Variants in PLAAT2 observed in about 807,000 individuals in gnomAD.
The protein encoded by PLAAT2 is HRAS like suppressor 2.
A neutral mutation model predicts 12.8 loss-of-function variants in PLAAT2; 12 were observed. That is an observed-to-expected ratio of 0.94 (90% CI 0.60 to 1.52). The LOEUF is 1.52. PLAAT2 is among the 40% of genes most tolerant of loss of function. PLAAT2 has a pLI of 0.00. For missense variants in PLAAT2, 166 were observed against 208.1 expected (o/e 0.80, Z 1.24); for synonymous variants, 79 against 86.8 (o/e 0.91, Z 0.50).
In PLAAT2 at chr11:63,558,366, GA is replaced by G. The variant is rs1459028451; in HGVS notation, c.387+25del. 8 of 1,608,400 alleles carry G rather than the reference GA, an allele frequency of 5.0e-6. No homozygotes were observed. In the African/African-American group the frequency reaches 1.1e-4, roughly 21 times the overall value. ...GCTGAGGGAGTGGCCTGGCTCCTGGGAAGGGGATGCAGGCTGAAGATGCACC... is the reference window on the plus strand; with the variant it reads ...GCTGAGGGAGTGGCCTGGCTCCTGGGAGGGGATGCAGGCTGAAGATGCACC... On this transcript the variant is annotated intron_variant, in intron 3 of 3. Transcript: ENST00000255695.
chr11:63,556,480 C>T (rs1264472206), intron 3 of PLAAT2, among the ~76,000 whole-genome samples: 1 of 152,066 alleles, frequency 6.6e-6, no homozygotes, highest in Non-Finnish European at 1.5e-5. Context: ...CCCCCAATCC[C>T]CTTCCGACAC....
At position 63,562,959 on chromosome 11, in the gene PLAAT2, C is replaced by T. The variant is rs373981385; in HGVS notation, c.9+357G>A. Among the ~76,000 whole-genome samples the T allele has an allele frequency of 1.6e-3, 248 of 152,326 alleles. 1 individual carries two copies. In the South Asian group the frequency reaches 0.017, roughly 10 times the overall value. ...ACTGAGGATGATGTGACAGAGGAGG[C>T]GGCCTGTGGGGTAAACCAAGGGCTG... is the stretch of plus-strand genomic sequence containing the variant. On this transcript the variant is annotated intron_variant, in intron 1 of 3. Coordinates refer to ENST00000255695, the MANE Select transcript of PLAAT2 (RefSeq NM_017878.2).
chr11:63,555,872 A>G (rs548524152), intron 3 of PLAAT2, among the ~76,000 whole-genome samples: 18 of 152,310 alleles, frequency 1.2e-4, no homozygotes, highest in African/African-American at 3.8e-4. Context: ...CTATGTTTCA[A>G]AGGGACAGAG....
chr11:63,555,639 G>C (rs976530188), intron 3 of PLAAT2, among the ~76,000 whole-genome samples: 1 of 152,212 alleles, frequency 6.6e-6, no homozygotes, highest in African/African-American at 2.4e-5. Context: ...GCTGCAATGA[G>C]GTGAGATCAC....
intron 2 of PLAAT2, among the ~76,000 whole-genome samples, chr11:63,559,608 C>G (rs2017499629): frequency 1.7e-5 from 2 of 115,212 alleles, no homozygotes; most frequent in South Asian, 6.5e-4. Context: ...ACCCCAGACT[C>G]CTGGGAAGCT....
At chr11:63,564,574 C>T (rs1054435365), upstream of PLAAT2, among the ~76,000 whole-genome samples, 4 of 152,236 alleles carry the variant, frequency 2.6e-5, no homozygotes, top group Non-Finnish European at 5.9e-5. Context: ...CCTCAGCTCA[C>T]GTGGTCATGT....
Position 63,563,349 on chromosome 11 carries a change from G to A in PLAAT2, c.-25C>T, listed in dbSNP as rs374016809. The A allele has an allele frequency of 8.1e-6, 13 of 1,614,012 alleles. No homozygotes were observed. In the African/African-American group the frequency reaches 1.5e-4, roughly 18 times the overall value. On this transcript the variant is annotated 5_prime_UTR_variant, in exon 1 of 4. Transcript: ENST00000255695. Reference sequence around the variant, plus strand: ...TCCTTCCTTCAAGATGATGTCTTGTGTGTTGCTGACTCTGTGTCCAGCCTT... The same window carrying A: ...TCCTTCCTTCAAGATGATGTCTTGTATGTTGCTGACTCTGTGTCCAGCCTT...
At chr11:63,558,709 G>C (rs1446227451) in intron 2 of PLAAT2, 49 bp from the exon 3 acceptor site, 1 of 1,598,744 alleles carries the variant, frequency 6.3e-7, no homozygotes, top group East Asian at 2.2e-5. Context: ...GGGGCTCAGA[G>C]CTGGAAGCCA....
intron 3 of PLAAT2, among the ~76,000 whole-genome samples, chr11:63,556,227 GAAGA>G (rs1267928407): frequency 4.6e-5 from 7 of 152,242 alleles, no homozygotes; most frequent in Admixed American, 6.5e-5. Flanking sequence ...GGAGGGAGAG[GAAGA>G]AAGAAAGGCA....
intron 2 of PLAAT2, 106 bp downstream of exon 2, chr11:63,559,979 G>T: frequency 2.9e-6 from 2 of 689,648 alleles, no homozygotes; most frequent in Non-Finnish European, 2.5e-6. Context: ...ATTATGTATT[G>T]AGTGCCTACT....
intron 2 of PLAAT2, 78 bp from the exon 3 acceptor site, chr11:63,558,738 A>C: frequency 6.5e-7 from 1 of 1,531,346 alleles, no homozygotes; most frequent in Non-Finnish European, 8.9e-7. Context: ...CATCGCCCCG[A>C]GCACCATCAA....
At chr11:63,556,567 A>AC (rs1183774586) in intron 3 of PLAAT2, among the ~76,000 whole-genome samples, 2 of 152,204 alleles carry the variant, frequency 1.3e-5, no homozygotes, top group Non-Finnish European at 2.9e-5. Context: ...CCCACTGAGT[A>AC]CCAGAGCATG....
chr11:63,562,762 T>C (rs1404722280), intron 1 of PLAAT2, among the ~76,000 whole-genome samples: 1 of 152,152 alleles, frequency 6.6e-6, no homozygotes, highest in Non-Finnish European at 1.5e-5. Context: ...GTGGCTGCTA[T>C]TGGGTCTAAA....
upstream of PLAAT2, among the ~76,000 whole-genome samples, chr11:63,563,787 G>T (rs556722494): frequency 1.3e-5 from 2 of 151,812 alleles, no homozygotes; most frequent in Admixed American, 1.3e-4. Context: ...TTCAAACAGG[G>T]GCAGAGCACA....
At chr11:63,561,528 C>A (rs946972730) in intron 1 of PLAAT2, among the ~76,000 whole-genome samples, 1 of 151,480 alleles carries the variant, frequency 6.6e-6, no homozygotes, top group Non-Finnish European at 1.5e-5. Context: ...GCCTGTAATC[C>A]CACCCACTTG....
intron 1 of PLAAT2, among the ~76,000 whole-genome samples, chr11:63,561,715 C>T (rs1360088093): frequency 7.2e-6 from 1 of 139,722 alleles, no homozygotes; most frequent in Non-Finnish European, 1.5e-5. Flanking sequence ...ATGATAGGTA[C>T]ACCAAAATCT....
chr11:63,563,544 C>G (rs113051177), upstream of PLAAT2, among the ~76,000 whole-genome samples: 810 of 151,910 alleles, frequency 5.3e-3, 2 homozygotes, highest in Non-Finnish European at 6.7e-3. Flanking sequence ...CGGTGAAACC[C>G]CGTCTCTCCT....
At position 63,558,444 on chromosome 11, in the gene PLAAT2, T is replaced by C; in HGVS notation, c.335A>G (p.Asn112Ser). The part of the protein sequence containing the change: ...QELPYSLTSD[N>S]CEHFVNHLRY... ...CAGATGGTTCACGAAGTGCTCGCAGTTGTCACTGGTCAGCGAATAAGGCAA... is the reference window on the plus strand; with the variant it reads ...CAGATGGTTCACGAAGTGCTCGCAGCTGTCACTGGTCAGCGAATAAGGCAA... The change falls in exon 3 of 4, where the codon AAC becomes AGC. Residue 112 changes from asparagine (N) to serine (S), a missense_variant. Transcript: ENST00000255695. The C allele has an allele frequency of 6.2e-7, 1 of 1,614,182 alleles. No homozygotes were observed. The highest frequency in any genetic ancestry group is 1.1e-5 in the South Asian group (1 of 91,078).
chr11:63,557,603 C>T (rs1336616250), intron 3 of PLAAT2, among the ~76,000 whole-genome samples: 1 of 152,054 alleles, frequency 6.6e-6, no homozygotes, highest in Non-Finnish European at 1.5e-5. Context: ...CAAATCCAAC[C>T]TGTGAACTAT....
Sources: gnomAD v4.1 joint callset for allele counts (sites outside exome capture counted in the v4.1 genomes callset) on GRCh38, gnomAD v4.1.1 for gene constraint, MANE v1.5 for transcripts, NCBI Gene and HGNC (gene_info 2026-07-23, HGNC 2026-07-21) for gene names.